The following CDC14A variants were observed in gnomAD, a reference collection of about 807,000 sequenced individuals.
CDC14A encodes cell division cycle 14A.
CDC14A carries 53 observed loss-of-function variants against 74.4 expected under a neutral mutation model. The observed-to-expected ratio is 0.71, with a 90% CI of 0.57 to 0.89. CDC14A has a LOEUF of 0.89. CDC14A is among the 40% of genes least tolerant of loss of function. CDC14A has a pLI of 0.00. For synonymous variants in CDC14A, 247 were observed against 258.4 expected (o/e 0.96, Z 0.43); for missense variants, 646 against 713.7 (o/e 0.91, Z 1.08).
At position 100,435,215 on chromosome 1, in the gene CDC14A, C is replaced by A. The variant is rs907863962; in HGVS notation, c.390-4717C>A. 5.9e-5 allele frequency among the ~76,000 whole-genome samples: 9 copies of A among 152,088 alleles called. 1 individual carries two copies. Among genetic ancestry groups the A allele is most frequent in the Admixed American group, 5.9e-4 (9 of 15,266 alleles). ...GACTGGGAAGTGAAGGATGACTTTG[C>A]AAAGGAGGTTGGAAGTAGTGTTTAG... On this transcript the variant is annotated intron_variant, in intron 5 of 15. Coordinates refer to ENST00000336454, the MANE Select transcript of CDC14A (RefSeq NM_003672.4).
At chr1:100,349,086 C>T (rs1005828623), upstream of CDC14A, among the ~76,000 whole-genome samples, 29 of 152,128 alleles carry the variant, frequency 1.9e-4, 1 homozygote, top group Non-Finnish European at 2.9e-5. Context: ...GTCCCAGCTA[C>T]TCTGGAGGCT....
chr1:100,419,894 G>T (rs1489575760), intron 4 of CDC14A, among the ~76,000 whole-genome samples: 2 of 150,546 alleles, frequency 1.3e-5, no homozygotes, highest in African/African-American at 4.9e-5. Context: ...TAAAATTGAA[G>T]AATACTCTTT....
Position 100,498,157 on chromosome 1 carries a change from G to T in CDC14A, c.1371G>T (p.Thr457=), listed in dbSNP as rs751290983. 1.2e-6 allele frequency: 2 copies of T among 1,614,070 alleles called. No homozygotes were observed. The highest frequency in any genetic ancestry group is 2.2e-5 in the South Asian group (2 of 91,074). Residue 457 remains threonine (T), a synonymous_variant, in exon 14 of 16, where the codon ACG becomes ACT. Coordinates refer to ENST00000336454, the MANE Select transcript of CDC14A (RefSeq NM_003672.4). The part of the protein sequence containing the change: ...TSKMALSPSA[T]AKRINRTSLS... ...AAATGGCACTGTCCCCTTCAGCAAC[G>T]GCCAAGAGGATCAACAGAACTTCTT...
At chr1:100,433,321 A>T (rs111828789) in intron 5 of CDC14A, among the ~76,000 whole-genome samples, 1 of 152,224 alleles carries the variant, frequency 6.6e-6, no homozygotes, top group African/African-American at 2.4e-5. Context: ...CCAACACTGT[A>T]CTATACTCTG....
chr1:100,462,952 A>G, intron 9 of CDC14A, 71 bp downstream of exon 9: 1 of 1,121,914 alleles, frequency 8.9e-7, no homozygotes, highest in Non-Finnish European at 1.3e-6. Flanking sequence ...CAAATAACAT[A>G]AAACAAAACC....
At chr1:100,415,163 T>A (rs1203052695) in intron 4 of CDC14A, among the ~76,000 whole-genome samples, 1 of 152,224 alleles carries the variant, frequency 6.6e-6, no homozygotes, top group East Asian at 1.9e-4. Context: ...GCTAATATTG[T>A]CTGCCATTCT....
chr1:100,356,706 T>A (rs1032976872), intron 2 of CDC14A, among the ~76,000 whole-genome samples: 1 of 151,554 alleles, frequency 6.6e-6, no homozygotes, highest in Admixed American at 6.6e-5. Context: ...ATACAAAAAT[T>A]AGCTGGGCAT....
At chr1:100,441,572 A>G (rs1030835608) in intron 6 of CDC14A, among the ~76,000 whole-genome samples, 1 of 152,036 alleles carries the variant, frequency 6.6e-6, no homozygotes, top group Admixed American at 6.6e-5. Context: ...AATACAGAGG[A>G]AAAAAAAGTG....
At chr1:100,372,761 G>A (rs74780928) in intron 2 of CDC14A, among the ~76,000 whole-genome samples, 19,327 of 152,176 alleles carry the variant, frequency 0.13, 1,453 homozygotes, top group Non-Finnish European at 0.16. Flanking sequence ...ATGTTAATAT[G>A]TTGACTTCCT....
At chr1:100,432,226 G>A (rs977164681) in intron 5 of CDC14A, among the ~76,000 whole-genome samples, 3 of 152,220 alleles carry the variant, frequency 2.0e-5, no homozygotes, top group Non-Finnish European at 2.9e-5. Context: ...ATACAGTTTC[G>A]TCTTGTAGGT....
At chr1:100,511,687 G>T (rs1649795442) in intron 15 of CDC14A, among the ~76,000 whole-genome samples, 1 of 152,036 alleles carries the variant, frequency 6.6e-6, no homozygotes, top group Admixed American at 6.6e-5. Context: ...CCTTTCCCTT[G>T]TCACACCAGT....
intron 2 of CDC14A, among the ~76,000 whole-genome samples, chr1:100,368,475 C>G (rs1203886942): frequency 6.6e-6 from 1 of 152,186 alleles, no homozygotes; most frequent in African/African-American, 2.4e-5. Flanking sequence ...TTCAAAAGTA[C>G]ATGTGGCTAA....
intron 2 of CDC14A, among the ~76,000 whole-genome samples, chr1:100,373,735 C>A (rs1407551253): frequency 1.3e-5 from 2 of 152,108 alleles, no homozygotes; most frequent in African/African-American, 2.4e-5. Flanking sequence ...CAATACAACA[C>A]CACACTGGGA....
chr1:100,390,965 AAATATGGACT>A (rs1377245498), intron 4 of CDC14A, 141 bp downstream of exon 4: 1 of 703,192 alleles, frequency 1.4e-6, no homozygotes, highest in African/African-American at 1.8e-5. Flanking sequence ...CTGTAGTGAG[AAATATGGACT>A]AGCAGTGGTG....
chr1:100,489,481 C>A (rs1002125570), intron 11 of CDC14A, among the ~76,000 whole-genome samples: 5 of 151,924 alleles, frequency 3.3e-5, no homozygotes, highest in Non-Finnish European at 7.4e-5. Flanking sequence ...CTTTATCTAG[C>A]TGAAATCTGT....
In CDC14A at chr1:100,484,406, T is replaced by G; in HGVS notation, c.1092T>G (p.Ile364Met). ...KILSGLDDMS[I>M]GGNLSKTQNM... The stretch of plus-strand genomic sequence containing the variant: ...TTTCTGGCCTAGATGATATGTCTAT[T>G]GGTGGAAATCTTTCAAAAACACAAA... Residue 364 changes from isoleucine to methionine, a missense_variant, in exon 11 of 16, where the codon ATT becomes ATG. Physicochemically the swap from Ile to Met is conservative, Grantham distance 10. Transcript: ENST00000336454. The G allele has an allele frequency of 6.2e-7, 1 of 1,608,038 alleles. No individual in the cohort carries two copies. Among genetic ancestry groups the G allele is most frequent in the Non-Finnish European group, 8.5e-7 (1 of 1,177,396 alleles).
chr1:100,437,131 A>G (rs1158375866), intron 5 of CDC14A, among the ~76,000 whole-genome samples: 1 of 152,180 alleles, frequency 6.6e-6, no homozygotes, highest in Non-Finnish European at 1.5e-5. Flanking sequence ...GGCTGCAGTG[A>G]GCCAAGATCA....
intron 10 of CDC14A, among the ~76,000 whole-genome samples, chr1:100,469,424 C>G (rs1021416571): frequency 1.3e-5 from 2 of 152,262 alleles, no homozygotes; most frequent in East Asian, 3.9e-4. Flanking sequence ...TCTTTTTACC[C>G]GTGAGGTACA....
At chr1:100,477,705 C>T (rs1669056966) in intron 10 of CDC14A, among the ~76,000 whole-genome samples, 1 of 152,124 alleles carries the variant, frequency 6.6e-6, no homozygotes, top group Non-Finnish European at 1.5e-5. Flanking sequence ...GAATAAGTAA[C>T]GTGTTCATTA....
Sources: allele counts gnomAD v4.1 joint callset (sites outside exome capture counted in the v4.1 genomes callset), GRCh38; gene constraint gnomAD v4.1.1; transcripts MANE v1.5; gene names NCBI Gene and HGNC (gene_info 2026-07-23, HGNC 2026-07-21).